Variants in GAS7 observed in about 807,000 individuals in gnomAD.
The protein encoded by GAS7 is growth arrest-specific protein 7.
GAS7 carries 28 observed loss-of-function variants against 71.1 expected under a neutral mutation model. The observed-to-expected ratio is 0.39, with a 90% CI of 0.29 to 0.54. The LOEUF (loss-of-function observed/expected upper bound fraction) is 0.54. GAS7 is among the 20% of genes least tolerant of loss of function. GAS7 has a pLI of 0.62. For synonymous variants in GAS7, 258 were observed against 245.8 expected (o/e 1.05, Z -0.46); for missense variants, 436 against 627.8 (o/e 0.69, Z 3.27).
intron 1 of GAS7, among the ~76,000 whole-genome samples, chr17:10,183,612 G>T (rs1232694426): frequency 6.6e-6 from 1 of 152,174 alleles, no homozygotes; most frequent in Non-Finnish European, 1.5e-5. Flanking sequence ...GGCCGACACG[G>T]GCGGATCACG....
chr17:10,137,124 AAGAG>A (rs142234371), intron 1 of GAS7, among the ~76,000 whole-genome samples: 6 of 150,410 alleles, frequency 4.0e-5, no homozygotes, highest in African/African-American at 7.3e-5. Flanking sequence ...AAAAGAAAAA[AAGAG>A]AGAGAGAGAG....
chr17:10,058,952 G>C (rs2073185035), intron 1 of GAS7, among the ~76,000 whole-genome samples: 1 of 152,218 alleles, frequency 6.6e-6, no homozygotes, highest in South Asian at 2.1e-4. Context: ...ACAATCCTGT[G>C]TTCATTACAC....
intron 1 of GAS7, among the ~76,000 whole-genome samples, chr17:10,053,952 T>C (rs2073099320): frequency 1.3e-5 from 2 of 152,178 alleles, no homozygotes. Flanking sequence ...TCCAAGCTTC[T>C]GGATCCGTAG....
intron 1 of GAS7, among the ~76,000 whole-genome samples, chr17:10,152,873 C>T (rs1321460368): frequency 1.3e-5 from 2 of 151,920 alleles, no homozygotes; most frequent in African/African-American, 2.4e-5. Context: ...AGGGTAGGTG[C>T]GTGGCCATTT....
At chr17:10,038,679 C>T (rs2072804595) in intron 1 of GAS7, among the ~76,000 whole-genome samples, 1 of 150,624 alleles carries the variant, frequency 6.6e-6, no homozygotes, top group African/African-American at 2.5e-5. Context: ...TATTACTCAG[C>T]CTTAAGAAGG....
At chr17:10,114,233 A>G (rs1567597489) in intron 1 of GAS7, among the ~76,000 whole-genome samples, 1 of 152,048 alleles carries the variant, frequency 6.6e-6, no homozygotes, top group Non-Finnish European at 1.5e-5. Context: ...CTTTTCCGTC[A>G]ATGCTACAGT....
At chr17:10,167,571 C>T (rs2074305204) in intron 1 of GAS7, among the ~76,000 whole-genome samples, 1 of 152,180 alleles carries the variant, frequency 6.6e-6, no homozygotes, top group Admixed American at 6.5e-5. Context: ...AGGGCATTGG[C>T]CCTATAACCA....
chr17:10,061,018 G>A (rs1271031696), intron 1 of GAS7, among the ~76,000 whole-genome samples: 2 of 152,174 alleles, frequency 1.3e-5, no homozygotes, highest in Non-Finnish European at 2.9e-5. Context: ...GACCTAAGCT[G>A]AGGGCTAGAG....
chr17:10,168,633 A>C (rs530773486), intron 1 of GAS7, among the ~76,000 whole-genome samples: 26 of 152,282 alleles, frequency 1.7e-4, no homozygotes, highest in Non-Finnish European at 2.8e-4. Context: ...TATTGCCCCT[A>C]GTGAGGATGT....
intron 1 of GAS7, among the ~76,000 whole-genome samples, chr17:10,133,188 A>G (rs545086805): frequency 1.3e-5 from 2 of 149,246 alleles, no homozygotes; most frequent in Non-Finnish European, 3.0e-5. Flanking sequence ...GTGCAGTGGC[A>G]CTCAGCTCAC....
intron 2 of GAS7, 34 bp downstream of exon 2, chr17:10,019,743 G>C (rs768541264): frequency 1.1e-5 from 17 of 1,591,092 alleles, no homozygotes; most frequent in Non-Finnish European, 1.5e-5. Flanking sequence ...ATGCCAGGGG[G>C]TTGGTGCAGG....
chr17:10,140,144 CTAATATTCTG>C (rs2074068723), intron 1 of GAS7, among the ~76,000 whole-genome samples: 1 of 152,150 alleles, frequency 6.6e-6, no homozygotes, highest in South Asian at 2.1e-4. Context: ...TGACATAAGA[CTAATATTCTG>C]TAAAAACTCT....
chr17:10,052,479 C>A (rs1388432895), intron 1 of GAS7, among the ~76,000 whole-genome samples: 2 of 152,208 alleles, frequency 1.3e-5, no homozygotes, highest in South Asian at 4.1e-4. Flanking sequence ...CAGCAAAGAG[C>A]CGTGACCAGC....
At chr17:10,173,862 G>A (rs2074353139) in intron 1 of GAS7, among the ~76,000 whole-genome samples, 1 of 152,222 alleles carries the variant, frequency 6.6e-6, no homozygotes, top group South Asian at 2.1e-4. Context: ...GGAGGTGGCT[G>A]CAGACCCAAA....
At chr17:10,089,609 C>T (rs1325670907) in intron 1 of GAS7, among the ~76,000 whole-genome samples, 1 of 152,082 alleles carries the variant, frequency 6.6e-6, no homozygotes, top group Non-Finnish European at 1.5e-5. Flanking sequence ...AGAAGCATTC[C>T]ATGGGTATCA....
intron 1 of GAS7, among the ~76,000 whole-genome samples, chr17:10,025,520 T>G (rs2072432610): frequency 6.6e-6 from 1 of 151,904 alleles, no homozygotes; most frequent in Non-Finnish European, 1.5e-5. Context: ...CTTGTCTCTT[T>G]ATTTAAAAAA....
chr17:9,960,343 G>C (rs965931269), intron 4 of GAS7, among the ~76,000 whole-genome samples: 1 of 152,002 alleles, frequency 6.6e-6, no homozygotes, highest in South Asian at 2.1e-4. Context: ...GTGCCCGCCA[G>C]CACGCCCAGC....
In GAS7 at chr17:9,925,939, T is replaced by C. The variant is rs11657901; in HGVS notation, c.1015-340A>G. ...TGCTTGGAAGGGACCACAAAGGCCA[T>C]CTGTGTCACCTCCCTGCAGCACTTA... On this transcript the variant is annotated intron_variant, in intron 10 of 13. Transcript: ENST00000432992. 0.14 allele frequency among the ~76,000 whole-genome samples: 21,805 copies of C among 151,942 alleles called. 1,600 individuals are homozygous for C. The highest frequency in any genetic ancestry group is 0.17 in the Admixed American group (2,604 of 15,248).
chr17:10,097,257 T>C (rs1404183557), intron 1 of GAS7, among the ~76,000 whole-genome samples: 1 of 152,210 alleles, frequency 6.6e-6, no homozygotes, highest in Admixed American at 6.5e-5. Flanking sequence ...CGCAAGCTCC[T>C]ATGGCAGTGG....
Sources: allele counts gnomAD v4.1 joint callset (sites outside exome capture counted in the v4.1 genomes callset), GRCh38; gene constraint gnomAD v4.1.1; transcripts MANE v1.5; gene names NCBI Gene and HGNC (gene_info 2026-07-23, HGNC 2026-07-21).